MACROD2: variants seen among roughly 807,000 people sequenced by gnomAD.
MACROD2 encodes mono-ADP ribosylhydrolase 2, also known as ADP-ribose glycohydrolase MACROD2.
In MACROD2, 36 loss-of-function variants were observed where a neutral mutation model predicts 70.4. The observed-to-expected ratio is 0.51, with a 90% confidence interval of 0.39 to 0.68. MACROD2 has a LOEUF of 0.68. MACROD2 is among the 30% of genes least tolerant of loss of function. The probability of loss-of-function intolerance (pLI) is 0.00; values close to 1 mark genes in which losing one functional copy is unlikely to be tolerated. For synonymous variants in MACROD2, 172 were observed against 178.8 expected (o/e 0.96, Z 0.30); for missense variants, 496 against 538.4 (o/e 0.92, Z 0.78).
At chr20:14,393,493 G>T (rs771222553) in intron 3 of MACROD2, among the ~76,000 whole-genome samples, 2 of 151,750 alleles carry the variant, frequency 1.3e-5, no homozygotes, top group Non-Finnish European at 2.9e-5. Context: ...TAGTTCCTCT[G>T]CCTGGAATCT....
At chr20:15,954,366 C>T (rs184377394) in intron 12 of MACROD2, among the ~76,000 whole-genome samples, 11 of 152,238 alleles carry the variant, frequency 7.2e-5, no homozygotes, top group Admixed American at 5.9e-4. Flanking sequence ...ACACAGCTTT[C>T]TCTGGTCATC....
At chr20:14,027,787 T>C (rs1170172740) in intron 2 of MACROD2, among the ~76,000 whole-genome samples, 1 of 152,166 alleles carries the variant, frequency 6.6e-6, no homozygotes, top group Non-Finnish European at 1.5e-5. Flanking sequence ...CTCTGGAAGC[T>C]TTGTCCCAGA....
In MACROD2 at chr20:15,176,164, T is replaced by A. The variant is rs553942608; in HGVS notation, c.419-53776T>A. On this transcript the variant is annotated intron_variant, in intron 5 of 17. Transcript: ENST00000684519. Reference sequence around the variant, plus strand: ...TCTAGACTTTGGGAACCCAGGAGCATGGGAGGGAAGCAAAGGAGGGGCTGA... The same window carrying A: ...TCTAGACTTTGGGAACCCAGGAGCAAGGGAGGGAAGCAAAGGAGGGGCTGA... 3.1e-3 allele frequency among the ~76,000 whole-genome samples: 477 copies of A among 152,220 alleles called. 3 individuals are homozygous for A. Among genetic ancestry groups the A allele is most frequent in the Admixed American group, 4.8e-3 (74 of 15,308 alleles).
At chr20:15,632,926 C>A (rs1412375855) in intron 8 of MACROD2, among the ~76,000 whole-genome samples, 1 of 151,638 alleles carries the variant, frequency 6.6e-6, no homozygotes, top group Non-Finnish European at 1.5e-5. Flanking sequence ...CCCTTCCTCC[C>A]CTTCTTTCTT....
At chr20:15,116,938 TAA>T (rs2075995902) in intron 5 of MACROD2, among the ~76,000 whole-genome samples, 1 of 152,224 alleles carries the variant, frequency 6.6e-6, no homozygotes, top group Non-Finnish European at 1.5e-5. Flanking sequence ...GAAGTTAAAA[TAA>T]GACTGTTAAT....
At chr20:14,249,129 T>TC (rs1491272251) in intron 3 of MACROD2, among the ~76,000 whole-genome samples, 3,118 of 48,034 alleles carry the variant, frequency 0.065, 165 homozygotes, top group African/African-American at 0.24. Flanking sequence ...ATTTCAAAGG[T>TC]TTTTTTTTTT....
chr20:14,762,969 A>G (rs2123756394), intron 5 of MACROD2, among the ~76,000 whole-genome samples: 1 of 152,172 alleles, frequency 6.6e-6, no homozygotes, highest in Middle Eastern at 3.4e-3. Flanking sequence ...CATAAATGAC[A>G]GACAGGTAAG....
intron 4 of MACROD2, among the ~76,000 whole-genome samples, chr20:14,513,397 C>G (rs412872): frequency 4.6e-5 from 7 of 151,898 alleles, no homozygotes; most frequent in Non-Finnish European, 8.8e-5. Flanking sequence ...TAATAAAACC[C>G]TAAAGCACTG....
intron 8 of MACROD2, among the ~76,000 whole-genome samples, chr20:15,679,001 C>T (rs2050119735): frequency 6.6e-6 from 1 of 152,124 alleles, no homozygotes. Flanking sequence ...CTTTGGGAGG[C>T]TGAGGCAGGC....
At chr20:15,243,631 G>A (rs1387916126) in intron 6 of MACROD2, among the ~76,000 whole-genome samples, 2 of 151,978 alleles carry the variant, frequency 1.3e-5, no homozygotes, top group Non-Finnish European at 2.9e-5. Context: ...AATTCTGTGA[G>A]CTGGCCGGGC....
chr20:14,856,539 A>C (rs556872155), intron 5 of MACROD2, among the ~76,000 whole-genome samples: 3 of 152,338 alleles, frequency 2.0e-5, no homozygotes, highest in East Asian at 3.9e-4. Flanking sequence ...GAAAGTGTGA[A>C]TAACAAGGCA....
intron 5 of MACROD2, among the ~76,000 whole-genome samples, chr20:14,932,773 G>A (rs1047048563): frequency 1.3e-5 from 2 of 151,934 alleles, no homozygotes; most frequent in African/African-American, 2.4e-5. Flanking sequence ...TCACTATGTT[G>A]GCCAGGCTAG....
intron 6 of MACROD2, among the ~76,000 whole-genome samples, chr20:15,370,329 G>T (rs573462907): frequency 3.9e-5 from 6 of 152,076 alleles, no homozygotes; most frequent in African/African-American, 1.4e-4. Flanking sequence ...AAAAATGTAA[G>T]TCTGAGCTTC....
chr20:14,189,034 CAATT>C (rs978812554), intron 3 of MACROD2, among the ~76,000 whole-genome samples: 3 of 152,098 alleles, frequency 2.0e-5, no homozygotes, highest in Admixed American at 6.6e-5. Flanking sequence ...GGCAGTAACT[CAATT>C]GAATGAATGA....
chr20:15,339,615 A>T (rs1239321932), intron 6 of MACROD2, among the ~76,000 whole-genome samples: 1 of 151,774 alleles, frequency 6.6e-6, no homozygotes, highest in East Asian at 1.9e-4. Flanking sequence ...CCCAAGAGAG[A>T]TCTGTTTTGT....
chr20:15,413,065 T>A (rs2046099846), intron 6 of MACROD2, among the ~76,000 whole-genome samples: 1 of 152,234 alleles, frequency 6.6e-6, no homozygotes, highest in Non-Finnish European at 1.5e-5. Context: ...TATCTTTCCT[T>A]GCTTTAATTT....
chr20:15,695,374 G>A (rs991338383), intron 8 of MACROD2, among the ~76,000 whole-genome samples: 9 of 150,800 alleles, frequency 6.0e-5, no homozygotes, highest in African/African-American at 1.9e-4. Context: ...CCATTTGTTT[G>A]TGTAGTCTTT....
chr20:15,190,323 G>C (rs1430704142), intron 5 of MACROD2, among the ~76,000 whole-genome samples: 1 of 152,154 alleles, frequency 6.6e-6, no homozygotes, highest in African/African-American at 2.4e-5. Context: ...AGTAGGTGCT[G>C]CAAGGATGTG....
chr20:14,235,205 A>G (rs1274910731), intron 3 of MACROD2, among the ~76,000 whole-genome samples: 1 of 152,234 alleles, frequency 6.6e-6, no homozygotes, highest in Non-Finnish European at 1.5e-5. Flanking sequence ...AATTTATATT[A>G]TGAACAGCTG....
Sources: allele counts gnomAD v4.1 joint callset (sites outside exome capture counted in the v4.1 genomes callset), GRCh38; gene constraint gnomAD v4.1.1; transcripts MANE v1.5; gene names NCBI Gene and HGNC (gene_info 2026-07-23, HGNC 2026-07-21).